Variants in ANKFY1 observed in about 807,000 individuals in gnomAD.
ANKFY1 encodes ankyrin repeat and FYVE domain containing 1, also known as ankyrin repeat and FYVE domain-containing protein 1.
A neutral mutation model predicts 128.3 loss-of-function variants in ANKFY1; 47 were observed. The ratio of observed to expected loss-of-function variants is 0.37; its 90% CI spans 0.29 to 0.47. The LOEUF (loss-of-function observed/expected upper bound fraction) is 0.47. Among genes scored for constraint, ANKFY1 ranks in the 20% least tolerant of loss-of-function variants. The pLI, the probability that ANKFY1 is intolerant of heterozygous loss-of-function variation, is 1.00. For synonymous variants in ANKFY1, 553 were observed against 601.6 expected, an observed-to-expected ratio of 0.92 and a Z score of 1.18; for missense variants, 1,222 against 1,510.6, an observed-to-expected ratio of 0.81 and a Z score of 3.17.
intron 3 of ANKFY1, chr17:4,222,153 C>G (rs1184441158): frequency 6.7e-6 from 1 of 148,154 alleles, no homozygotes; most frequent in Non-Finnish European, 1.5e-5. Flanking sequence ...GGGTGCCCCG[C>G]GGCCAGAAGG....
At chr17:4,177,646 T>C (rs1424419202) in intron 18 of ANKFY1, among the ~76,000 whole-genome samples, 1 of 152,146 alleles carries the variant, frequency 6.6e-6, no homozygotes, top group Non-Finnish European at 1.5e-5. Flanking sequence ...AGGAAACTCA[T>C]GGAGAGGGAA....
At chr17:4,208,996 T>C (rs1194063097) in intron 5 of ANKFY1, among the ~76,000 whole-genome samples, 3 of 150,542 alleles carry the variant, frequency 2.0e-5, no homozygotes, top group Admixed American at 6.6e-5. Flanking sequence ...GAGGCGGAGG[T>C]TGCAGGGAGC....
At chr17:4,200,525 G>C (rs2059908976) in intron 7 of ANKFY1, among the ~76,000 whole-genome samples, 1 of 152,158 alleles carries the variant, frequency 6.6e-6, no homozygotes, top group Admixed American at 6.5e-5. Flanking sequence ...ATTTCACCAA[G>C]GTCTACAGGA....
intron 3 of ANKFY1, among the ~76,000 whole-genome samples, chr17:4,226,801 A>G (rs563726501): frequency 6.6e-6 from 1 of 152,076 alleles, no homozygotes; most frequent in East Asian, 1.9e-4. Context: ...AAATTAACAA[A>G]GCCAAAGCTC....
At chr17:4,180,984 G>A (rs1251047695) in intron 16 of ANKFY1, 4 of 390,242 alleles carry the variant, frequency 1.0e-5, no homozygotes, top group Middle Eastern at 7.5e-4. Context: ...CTGGTCTGCC[G>A]TGACTACAGG....
chr17:4,193,330 A>G (rs1165112601), intron 10 of ANKFY1, among the ~76,000 whole-genome samples: 17 of 151,262 alleles, frequency 1.1e-4, no homozygotes. Context: ...ATCATAGCTC[A>G]CTGCAGCCTC....
At chr17:4,225,333 G>A (rs1363571038) in intron 3 of ANKFY1, among the ~76,000 whole-genome samples, 1 of 152,114 alleles carries the variant, frequency 6.6e-6, no homozygotes, top group Non-Finnish European at 1.5e-5. Context: ...CTCTAGCCTG[G>A]GGGACAGAGC....
At chr17:4,244,225 C>T (rs1598140455) in intron 1 of ANKFY1, among the ~76,000 whole-genome samples, 2 of 151,994 alleles carry the variant, frequency 1.3e-5, no homozygotes, top group African/African-American at 2.4e-5. Flanking sequence ...GCTACCATGC[C>T]CAGCCATAAG....
rs2059446594 is a variant in ANKFY1 at position 4,178,309 on chromosome 17, A to C, written c.2598+548T>G. On this transcript the variant is annotated intron_variant, in intron 18 of 24. Coordinates refer to ENST00000341657, the MANE Select transcript of ANKFY1 (RefSeq NM_001330063.2). This position sits in a 1 kb window ranked among gnomAD's most constrained non-coding sequence, Gnocchi z 4.1. ...TACTCTAGGTGCTGGCTGGAGAGCCAAGTTCCTGCAGGACTGACCTGATAA... is the reference window on the plus strand; with the variant it reads ...TACTCTAGGTGCTGGCTGGAGAGCCCAGTTCCTGCAGGACTGACCTGATAA... 1.3e-5 allele frequency: 2 copies of C among 157,996 alleles called. No homozygotes were observed. The highest frequency in any genetic ancestry group is 2.8e-5 in the Non-Finnish European group (2 of 71,094). The allele number at this position is 157,996 out of a possible 1,614,324, so 9.8% of individuals were successfully genotyped here.
At chr17:4,257,055 C>T (rs1256744653) in intron 1 of ANKFY1, among the ~76,000 whole-genome samples, 1 of 152,172 alleles carries the variant, frequency 6.6e-6, no homozygotes, top group Non-Finnish European at 1.5e-5. Context: ...AAAGTGAGGT[C>T]AAAATACTTG....
intron 11 of ANKFY1, chr17:4,186,541 T>G (rs1224240497): frequency 6.6e-6 from 1 of 152,348 alleles, no homozygotes; most frequent in East Asian, 1.9e-4. Context: ...TTTCCAGCTT[T>G]GAACATTATC....
At chr17:4,244,344 TAA>T (rs1031999124) in intron 1 of ANKFY1, among the ~76,000 whole-genome samples, 27 of 152,330 alleles carry the variant, frequency 1.8e-4, no homozygotes, top group African/African-American at 6.5e-4. Context: ...TGAGAGCCTA[TAA>T]AGCAAGTTAA....
intron 1 of ANKFY1, among the ~76,000 whole-genome samples, chr17:4,244,497 C>T (rs1042665634): frequency 1.6e-4 from 25 of 152,074 alleles, no homozygotes; most frequent in African/African-American, 5.8e-4. Flanking sequence ...AAGGTCTCTA[C>T]GGCTCCACAC....
At chr17:4,217,978 C>G (rs1037822492) in intron 3 of ANKFY1, among the ~76,000 whole-genome samples, 1 of 152,142 alleles carries the variant, frequency 6.6e-6, no homozygotes, top group African/African-American at 2.4e-5. Context: ...GCCGCTTCAC[C>G]CAGCCTGAGT....
intron 11 of ANKFY1, among the ~76,000 whole-genome samples, chr17:4,186,118 C>T (rs1255146488): frequency 2.0e-5 from 3 of 152,242 alleles, no homozygotes; most frequent in Admixed American, 6.5e-5. Context: ...GGAAAACACA[C>T]GTATGCACAC....
intron 1 of ANKFY1, among the ~76,000 whole-genome samples, chr17:4,252,033 TAAA>T (rs537446947): frequency 7.4e-5 from 7 of 94,364 alleles, no homozygotes; most frequent in African/African-American, 2.0e-4. Flanking sequence ...GACTCCGTCT[TAAA>T]AAAAAAAAAA....
intron 2 of ANKFY1, among the ~76,000 whole-genome samples, chr17:4,240,398 A>ATTT (rs149346704): frequency 2.1e-4 from 29 of 139,584 alleles, no homozygotes; most frequent in Admixed American, 1.3e-3. Flanking sequence ...TTATTTATTT[A>ATTT]TTTATTTTTT....
chr17:4,189,721 G>A (rs1412663543), intron 10 of ANKFY1, among the ~76,000 whole-genome samples: 1 of 152,056 alleles, frequency 6.6e-6, no homozygotes, highest in Non-Finnish European at 1.5e-5. Context: ...CAGACAGTAG[G>A]CCCACGCCAG....
At chr17:4,223,026 A>G (rs2060354641) in intron 3 of ANKFY1, 1 of 777,428 alleles carries the variant, frequency 1.3e-6, no homozygotes. Flanking sequence ...GATAACTCTA[A>G]TAAAAGATGT....
Sources: allele counts gnomAD v4.1 joint callset (sites outside exome capture counted in the v4.1 genomes callset), GRCh38; gene constraint gnomAD v4.1.1; non-coding constraint Gnocchi (gnomAD v3.1); transcripts MANE v1.5; gene names NCBI Gene and HGNC (gene_info 2026-07-23, HGNC 2026-07-21).